Variants in LRPPRC observed in about 807,000 individuals in gnomAD.
LRPPRC encodes leucine-rich PPR motif-containing protein, mitochondrial.
A neutral mutation model predicts 180.3 loss-of-function variants in LRPPRC; 120 were observed. The observed-to-expected ratio is 0.67, with a 90% confidence interval of 0.57 to 0.77. LRPPRC has a LOEUF of 0.77. Among genes scored for constraint, LRPPRC ranks in the 30% least tolerant of loss-of-function variants. The pLI is 0.00. For missense variants in LRPPRC, 2,012 were observed against 1,657.2 expected, an observed-to-expected ratio of 1.21 and a Z score of -3.72; for synonymous variants, 723 against 600.0, an observed-to-expected ratio of 1.21 and a Z score of -3.00.
intron 25 of LRPPRC, among the ~76,000 whole-genome samples, chr2:43,927,662 A>T (rs1168145818): frequency 6.6e-6 from 1 of 152,224 alleles, no homozygotes; most frequent in Non-Finnish European, 1.5e-5. Flanking sequence ...GTCACTTACA[A>T]CTTTCAATAT....
At chr2:43,978,993 A>T (rs1219097814) in intron 3 of LRPPRC, among the ~76,000 whole-genome samples, 1 of 152,100 alleles carries the variant, frequency 6.6e-6, no homozygotes, top group African/African-American at 2.4e-5. Flanking sequence ...ATCTTATTTC[A>T]TTGCATTATA....
At chr2:43,917,994 C>T (rs765595653) in intron 29 of LRPPRC, 31 bp downstream of exon 29, 4 of 1,442,602 alleles carry the variant, frequency 2.8e-6, no homozygotes, top group East Asian at 2.3e-5. Context: ...ACCACCCCCC[C>T]ACACACACCC....
At chr2:43,909,467 A>C (rs1010698999) in intron 30 of LRPPRC, among the ~76,000 whole-genome samples, 2 of 152,198 alleles carry the variant, frequency 1.3e-5, no homozygotes, top group Non-Finnish European at 2.9e-5. Flanking sequence ...GATAATGGTT[A>C]AAGTACAGAG....
At chr2:43,995,449 G>A (rs1674999446) in intron 1 of LRPPRC, among the ~76,000 whole-genome samples, 1 of 152,190 alleles carries the variant, frequency 6.6e-6, no homozygotes, top group Non-Finnish European at 1.5e-5. Flanking sequence ...CACCCAAGCT[G>A]GCCAAGTGTA....
At chr2:43,890,240 C>A (rs1021933273) in intron 36 of LRPPRC, 3 of 421,404 alleles carry the variant, frequency 7.1e-6, no homozygotes, top group African/African-American at 2.1e-5. Context: ...TCCCCTTTGG[C>A]TTAAAACCAC....
In LRPPRC at chr2:43,896,701, C is replaced by G. The variant is rs757222168; in HGVS notation, c.3833G>C (p.Gly1278Ala). The part of the protein sequence containing the change: ...DDARALLQRC[G>A]AIAEQTPILL... Reference sequence around the variant, plus strand: ...AATCGGGGTTTGTTCAGCAATTGCACCACATCTCTAAAAATTAAAACATTA... The same window carrying G: ...AATCGGGGTTTGTTCAGCAATTGCAGCACATCTCTAAAAATTAAAACATTA... Residue 1278 changes from glycine to alanine, a missense_variant, in exon 35 of 38, where the codon GGT (glycine) becomes GCT (alanine). Gly to Ala is a moderately conservative substitution (Grantham distance 60). Coordinates refer to ENST00000260665, the MANE Select transcript of LRPPRC (RefSeq NM_133259.4). 5 of 1,598,344 alleles carry G rather than the reference C, an allele frequency of 3.1e-6. No homozygotes were observed. The highest frequency in any genetic ancestry group is 4.3e-6 in the Non-Finnish European group (5 of 1,165,870).
Position 43,977,217 on chromosome 2 carries a change from A to G in LRPPRC, c.529T>C (p.Tyr177His). The G allele has an allele frequency of 6.2e-7, 1 of 1,601,294 alleles. No homozygotes were observed. Among genetic ancestry groups the G allele is most frequent in the East Asian group, 2.2e-5 (1 of 44,754 alleles). The change falls in exon 4 of 38, where the codon TAT becomes CAT. Residue 177 changes from tyrosine to histidine, a missense_variant. Coordinates refer to ENST00000260665, the MANE Select transcript of LRPPRC (RefSeq NM_133259.4). ...ALLKVYLQNEYKFSPTDFLAK... is the reference protein window; with the variant it reads ...ALLKVYLQNEHKFSPTDFLAK... ...AGGAAATCAGTTGGTGAGAATTTAT[A>G]TTCATTTTGAAGATAGACTTTAAGT...
intron 30 of LRPPRC, among the ~76,000 whole-genome samples, chr2:43,907,730 G>A (rs1431425927): frequency 1.3e-5 from 2 of 152,048 alleles, no homozygotes; most frequent in Admixed American, 1.3e-4. Context: ...AATTATAGGG[G>A]AAAAAGAGTA....
chr2:43,929,934 T>C (rs1443062619), intron 25 of LRPPRC, among the ~76,000 whole-genome samples: 3 of 144,612 alleles, frequency 2.1e-5, no homozygotes, highest in Non-Finnish European at 4.5e-5. Flanking sequence ...TCCTGAAATT[T>C]TGGAGGACAA....
chr2:43,991,911 T>A (rs1405872092), intron 1 of LRPPRC, among the ~76,000 whole-genome samples: 1 of 152,230 alleles, frequency 6.6e-6, no homozygotes, highest in Non-Finnish European at 1.5e-5. Context: ...TTCAATCTCC[T>A]CCAGTTTACC....
chr2:43,960,703 G>A, intron 12 of LRPPRC, 69 bp from the exon 13 acceptor site: 3 of 811,876 alleles, frequency 3.7e-6, no homozygotes, highest in Non-Finnish European at 6.6e-6. Context: ...CAAAGATCCT[G>A]TTTTCCTGAT....
At chr2:43,957,659 T>A (rs1358625742) in intron 13 of LRPPRC, among the ~76,000 whole-genome samples, 1 of 152,230 alleles carries the variant, frequency 6.6e-6, no homozygotes, top group African/African-American at 2.4e-5. Context: ...ATTTTTAATT[T>A]TCATGAATAT....
At chr2:43,893,449 C>G (rs148765380) in intron 36 of LRPPRC, among the ~76,000 whole-genome samples, 5 of 152,184 alleles carry the variant, frequency 3.3e-5, no homozygotes, top group African/African-American at 9.7e-5. Context: ...GCAATCATCA[C>G]CCTGATCATT....
intron 36 of LRPPRC, among the ~76,000 whole-genome samples, chr2:43,892,197 A>G (rs761179779): frequency 1.5e-4 from 23 of 152,368 alleles, no homozygotes; most frequent in Non-Finnish European, 2.8e-4. Context: ...GGCTACACTA[A>G]ACAACAGATA....
At chr2:43,942,896 T>A (rs1672536076) in intron 23 of LRPPRC, among the ~76,000 whole-genome samples, 1 of 152,122 alleles carries the variant, frequency 6.6e-6, no homozygotes, top group South Asian at 2.1e-4. Flanking sequence ...TTTATTTTAT[T>A]TTAATTATTA....
In LRPPRC at chr2:43,993,456, A is replaced by G. The variant is rs115353713; in HGVS notation, c.149+2343T>C. Among the ~76,000 whole-genome samples the G allele has an allele frequency of 5.9e-3, 897 of 152,296 alleles. 9 individuals are homozygous for G. Among genetic ancestry groups the G allele is most frequent in the African/African-American group, 0.021 (853 of 41,564 alleles). On this transcript the variant is annotated intron_variant, in intron 1 of 37. Transcript: ENST00000260665. ...TTTGACAGCGGTGTGACTGCAGTGG[A>G]TAGGAAAGTGAATGAAAAGTGATGA...
chr2:43,891,809 T>C (rs542515071), intron 36 of LRPPRC, among the ~76,000 whole-genome samples: 7 of 152,346 alleles, frequency 4.6e-5, no homozygotes, highest in Admixed American at 1.3e-4. Context: ...GAGGAAGGCA[T>C]GTCAAAAGCC....
At chr2:43,920,421 C>A (rs1671658511) in intron 27 of LRPPRC, among the ~76,000 whole-genome samples, 2 of 152,196 alleles carry the variant, frequency 1.3e-5, no homozygotes, top group Non-Finnish European at 2.9e-5. Context: ...TAGGTGTGAG[C>A]CACCTTGCCC....
At chr2:43,932,725 C>T (rs1672134711) in intron 25 of LRPPRC, among the ~76,000 whole-genome samples, 1 of 152,188 alleles carries the variant, frequency 6.6e-6, no homozygotes, top group Admixed American at 6.5e-5. Context: ...AGCTGCTTTA[C>T]ATACATTATG....
Sources: allele counts gnomAD v4.1 joint callset (sites outside exome capture counted in the v4.1 genomes callset), GRCh38; gene constraint gnomAD v4.1.1; transcripts MANE v1.5; gene names NCBI Gene and HGNC (gene_info 2026-07-23, HGNC 2026-07-21).